GPHN: variants seen among roughly 807,000 people sequenced by gnomAD.
The protein encoded by GPHN is gephyrin.
In GPHN, 17 loss-of-function variants were observed where a neutral mutation model predicts 95.5. The observed-to-expected ratio is 0.18, with a 90% confidence interval of 0.12 to 0.27. GPHN has a LOEUF of 0.27. Among genes scored for constraint, GPHN ranks in the 10% least tolerant of loss-of-function variants. The probability of loss-of-function intolerance (pLI) is 1.00; values close to 1 mark genes in which losing one functional copy is unlikely to be tolerated. For missense variants in GPHN, 660 were observed against 978.1 expected (o/e 0.67, Z 4.34); for synonymous variants, 320 against 322.5 (o/e 0.99, Z 0.08).
At chr14:66,516,589 A>G (rs1014915579) in intron 1 of GPHN, among the ~76,000 whole-genome samples, 6 of 152,210 alleles carry the variant, frequency 3.9e-5, no homozygotes, top group African/African-American at 1.4e-4. Context: ...ACTATAATAA[A>G]TAGCTTTATT....
intron 10 of GPHN, among the ~76,000 whole-genome samples, chr14:67,049,537 A>G (rs1293337635): frequency 9.7e-5 from 14 of 143,646 alleles, no homozygotes; most frequent in Admixed American, 7.0e-4. Flanking sequence ...TTTTTGAGAC[A>G]GAGTCTCGCT....
the GPHN span, chr14:67,733,921 C>A: frequency 3.5e-6 from 4 of 1,140,676 alleles, no homozygotes; most frequent in East Asian, 2.4e-5. Context: ...GAAGGCCAAC[C>A]CTAAAGGATT....
chr14:67,022,612 TC>T (rs1341550819), intron 9 of GPHN, among the ~76,000 whole-genome samples: 16 of 146,736 alleles, frequency 1.1e-4, no homozygotes, highest in African/African-American at 4.0e-4. Flanking sequence ...TGTGTATTTT[TC>T]TTGTATGTAT....
chr14:66,845,861 CTGTG>C (rs1567012897), intron 4 of GPHN, among the ~76,000 whole-genome samples: 8 of 115,436 alleles, frequency 6.9e-5, no homozygotes, highest in East Asian at 6.6e-4. Flanking sequence ...GTGTGTGTGT[CTGTG>C]TGCGTGCGCA....
chr14:67,138,890 T>C (rs1595339164), intron 17 of GPHN, among the ~76,000 whole-genome samples: 1 of 128,182 alleles, frequency 7.8e-6, no homozygotes, highest in East Asian at 2.1e-4. Flanking sequence ...TCCTCTCCTT[T>C]TTTTTTTTTT....
chr14:67,404,024 G>A, the GPHN span, among the ~76,000 whole-genome samples: 1 of 152,140 alleles, frequency 6.6e-6, no homozygotes, highest in Admixed American at 6.5e-5. Flanking sequence ...CCACACTCTA[G>A]CCTGGGCAAC....
intron 16 of GPHN, among the ~76,000 whole-genome samples, chr14:67,113,803 G>A (rs61990920): frequency 0.069 from 10,524 of 152,058 alleles, 534 homozygotes; most frequent in Non-Finnish European, 0.11. Context: ...ACTTCCTATT[G>A]CTTGTTTTGC....
chr14:67,087,576 T>C lies in GPHN; in HGVS notation c.1145-1407T>C, dbSNP rs138321795. On this transcript the variant is annotated intron_variant, in intron 11 of 22. Transcript: ENST00000478722. Reference sequence around the variant, plus strand: ...AGGTAGAATCTGCTAAGTTCTCCCTTCCAATTCAGGTGCCAAAAGGGAAGA... The same window carrying C: ...AGGTAGAATCTGCTAAGTTCTCCCTCCCAATTCAGGTGCCAAAAGGGAAGA... Among the ~76,000 whole-genome samples the C allele has an allele frequency of 3.0e-3, 452 of 152,200 alleles. 3 individuals are homozygous for C. The highest frequency in any genetic ancestry group is 0.01 in the African/African-American group (435 of 41,496).
chr14:67,311,859 T>G, the GPHN span: 1 of 152,382 alleles, frequency 6.6e-6, no homozygotes, highest in African/African-American at 2.4e-5. Flanking sequence ...TTAGTTAATT[T>G]TAGTCGTTGA....
chr14:66,543,614 T>C (rs1197526094), intron 1 of GPHN, among the ~76,000 whole-genome samples: 1 of 152,244 alleles, frequency 6.6e-6, no homozygotes, highest in Non-Finnish European at 1.5e-5. Flanking sequence ...TTCCAAATAC[T>C]GATTCCCTGC....
chr14:67,581,179 G>A, the GPHN span: 2 of 626,328 alleles, frequency 3.2e-6, no homozygotes, highest in Non-Finnish European at 5.8e-6. Flanking sequence ...ACTAGCTGGG[G>A]TGCAGGCGGG....
intron 2 of GPHN, among the ~76,000 whole-genome samples, chr14:66,744,904 A>C (rs1337649191): frequency 1.3e-5 from 2 of 152,190 alleles, no homozygotes; most frequent in East Asian, 3.9e-4. Context: ...GTTGTATTTG[A>C]CATTTGGATT....
At chr14:66,562,481 G>A (rs1349860962) in intron 1 of GPHN, among the ~76,000 whole-genome samples, 1 of 151,986 alleles carries the variant, frequency 6.6e-6, no homozygotes, top group Non-Finnish European at 1.5e-5. Flanking sequence ...AATTTGGGGT[G>A]GGGGAAACAG....
the GPHN span, among the ~76,000 whole-genome samples, chr14:67,622,756 G>A: frequency 1.6e-4 from 25 of 152,170 alleles, no homozygotes; most frequent in Admixed American, 1.5e-3. Flanking sequence ...TCTGAACTCG[G>A]CCAAGCATTG....
At position 67,051,791 on chromosome 14, in the gene GPHN, T is replaced by G. The variant is rs189200593; in HGVS notation, c.1007-6858T>G. ...CAGAAACCCTACAAGCCAGAAGAGATTGGGGGCCAATATTCAGTATCCTTA... is the reference window on the plus strand; with the variant it reads ...CAGAAACCCTACAAGCCAGAAGAGAGTGGGGGCCAATATTCAGTATCCTTA... On this transcript the variant is annotated intron_variant, in intron 10 of 22. Coordinates refer to ENST00000478722, the MANE Select transcript of GPHN (RefSeq NM_020806.5). Among the ~76,000 whole-genome samples the G allele has an allele frequency of 3.0e-3, 454 of 152,222 alleles. 3 individuals carry two copies. Among genetic ancestry groups the G allele is most frequent in the African/African-American group, 0.011 (436 of 41,520 alleles).
chr14:66,798,541 G>A (rs994425532), intron 3 of GPHN, among the ~76,000 whole-genome samples: 2 of 151,584 alleles, frequency 1.3e-5, no homozygotes, highest in Non-Finnish European at 3.0e-5. Context: ...ACCATGTTAG[G>A]TTATACATAT....
intron 10 of GPHN, among the ~76,000 whole-genome samples, chr14:67,056,806 G>A (rs1472799159): frequency 6.7e-6 from 1 of 149,746 alleles, no homozygotes; most frequent in Non-Finnish European, 1.5e-5. Context: ...AGCCCACAGT[G>A]GGGGTGGGGG....
At chr14:67,195,713 TTGTGTGTGTGTGTG>T in the GPHN span, among the ~76,000 whole-genome samples, 11 of 143,228 alleles carry the variant, frequency 7.7e-5, no homozygotes, top group African/African-American at 1.5e-4. Context: ...TTCTTTTTGG[TTGTGTGTGTGTGTG>T]TGTGTGTGTG....
intron 5 of GPHN, among the ~76,000 whole-genome samples, chr14:66,911,541 T>C (rs571499275): frequency 6.6e-6 from 1 of 152,128 alleles, no homozygotes; most frequent in African/African-American, 2.4e-5. Context: ...CAGTACTCTT[T>C]GAAAGTATCA....
Sources: gnomAD v4.1 joint callset for allele counts (sites outside exome capture counted in the v4.1 genomes callset) on GRCh38, gnomAD v4.1.1 for gene constraint, MANE v1.5 for transcripts, NCBI Gene and HGNC (gene_info 2026-07-23, HGNC 2026-07-21) for gene names.